F12: variants seen among roughly 807,000 people sequenced by gnomAD.
F12 encodes Hageman factor.
Under a neutral mutation model 74.8 loss-of-function variants are expected in F12, and 70 were observed. That is an observed-to-expected ratio of 0.94 (90% CI 0.77 to 1.14). F12 has a LOEUF of 1.14. Among genes scored for constraint, F12 ranks in the 50% most tolerant of loss-of-function variants. The pLI is 0.00. For synonymous variants in F12, 373 were observed against 356.4 expected, an observed-to-expected ratio of 1.05 and a Z score of -0.52; for missense variants, 811 against 835.7, an observed-to-expected ratio of 0.97 and a Z score of 0.36.
intron 2 of F12, 73 bp from the exon 3 acceptor site, chr5:177,406,134 T>C: frequency 7.3e-7 from 1 of 1,366,548 alleles, no homozygotes; most frequent in South Asian, 1.2e-5. Context: ...CAGGGTCTGG[T>C]CAGGAAAAGG....
At chr5:177,407,389 A>C (rs1763317391) in intron 2 of F12, among the ~76,000 whole-genome samples, 1 of 152,234 alleles carries the variant, frequency 6.6e-6, no homozygotes, top group Non-Finnish European at 1.5e-5. Flanking sequence ...GTACCTGCTC[A>C]ATAAGCTTTT....
intron 1 of F12, 111 bp from the exon 2 acceptor site, chr5:177,409,214 C>G (rs1045461678): frequency 1.6e-6 from 2 of 1,234,222 alleles, no homozygotes; most frequent in South Asian, 2.6e-5. Context: ...GATTTCTTCC[C>G]AAGACCCAAA....
intron 4 of F12, 116 bp from the exon 5 acceptor site, chr5:177,405,549 G>T: frequency 7.7e-7 from 1 of 1,292,168 alleles, no homozygotes; most frequent in Non-Finnish European, 1.1e-6. Context: ...TTCCAAGCTT[G>T]GTTTACCCAC....
At chr5:177,409,184 T>A in intron 1 of F12, 81 bp from the exon 2 acceptor site, 1 of 1,401,460 alleles carries the variant, frequency 7.1e-7, no homozygotes, top group Non-Finnish European at 9.9e-7. Context: ...CAGCTTCCTC[T>A]CACAGCCCAG....
At chr5:177,403,778 G>A in intron 10 of F12, 81 bp downstream of exon 10, 1 of 1,457,728 alleles carries the variant, frequency 6.9e-7, no homozygotes, top group South Asian at 1.3e-5. Context: ...TAGGGCACGG[G>A]TTCGGGTGCA....
chr5:177,405,151 G>A lies in F12; in HGVS notation c.432C>T (p.Phe144=), dbSNP rs1329384779. 2 of 1,613,990 alleles carry A rather than the reference G, an allele frequency of 1.2e-6. No homozygotes were observed. The highest frequency in any genetic ancestry group is 1.7e-6 in the Non-Finnish European group (2 of 1,180,028). The stretch of plus-strand genomic sequence containing the variant: ...TTCTATACCATATCTCATTCTTGTG[G>A]AAAAACCGGAGAAGCTGAGGCTCAA... The part of the protein sequence containing the change: ...KCFEPQLLRF[F]HKNEIWYRTE... The change falls in exon 6 of 14, where the codon TTC becomes TTT. Residue 144 remains phenylalanine, a synonymous_variant. Coordinates refer to ENST00000253496, the MANE Select transcript of F12 (RefSeq NM_000505.4).
intron 2 of F12, among the ~76,000 whole-genome samples, chr5:177,408,201 G>A (rs968478534): frequency 3.9e-5 from 6 of 152,126 alleles, no homozygotes; most frequent in Non-Finnish European, 7.4e-5. Flanking sequence ...GACTACTGGC[G>A]CATGCCACCA....
chr5:177,403,913 C>G lies in F12; in HGVS notation c.1196G>C (p.Gly399Ala). Residue 399 changes from glycine (G) to alanine (A), a missense_variant, in exon 10 of 14, where the codon GGC becomes GCC. Transcript: ENST00000253496. Reference sequence around the variant, plus strand: ...CACCCAGCAGGGGGCGATGAGGCTGCCGGCGCAGAAACTGTGGCCCCAGTA... The same window carrying G: ...CACCCAGCAGGGGGCGATGAGGCTGGCGGCGCAGAAACTGTGGCCCCAGTA... The part of the protein sequence containing the change: ...ALYWGHSFCA[G>A]SLIAPCWVLT... 6.3e-7 allele frequency: 1 copy of G among 1,588,400 alleles called. No homozygotes were observed.
Position 177,402,265 on chromosome 5 carries a change from A to C in F12, c.*27T>G. 6.2e-7 allele frequency: 1 copy of C among 1,612,620 alleles called. No individual in the cohort carries two copies. On this transcript the variant is annotated 3_prime_UTR_variant, in exon 14 of 14. Coordinates refer to ENST00000253496, the MANE Select transcript of F12 (RefSeq NM_000505.4). Reference sequence around the variant, plus strand: ...CCACTCTCTCACTGCGGAATCACCAAGGAGGGAAAGATGAGTCCCTGAGCA... The same window carrying C: ...CCACTCTCTCACTGCGGAATCACCACGGAGGGAAAGATGAGTCCCTGAGCA...
chr5:177,405,203 T>G lies in F12; in HGVS notation c.398-18A>C, dbSNP rs1472322240. ...GCACTTCTCTGGGGACAAAGAGGGA[T>G]AGTGGTCTCAGGAGAGTCTAGGACC... On this transcript the variant is annotated intron_variant, in intron 5 of 13. Transcript: ENST00000253496. 1 of 1,613,718 alleles carries G rather than the reference T, an allele frequency of 6.2e-7. No homozygotes were observed. Among genetic ancestry groups the G allele is most frequent in the East Asian group, 2.2e-5 (1 of 44,882 alleles).
rs780186253 is a variant in F12, at chr5:177,403,599, C to CA, written c.1268dup (p.Thr424AspfsTer10). On this transcript the variant is annotated frameshift_variant, in exon 11 of 14. Transcript: ENST00000253496. LOFTEE classifies it high-confidence loss of function. The stretch of plus-strand genomic sequence containing the variant: ...GGCGTTCCTGGCCGAGCACCACCGT[C>CA]AGATCCTCGGGTGCGGGCCTGCGGG... 6.2e-7 allele frequency: 1 copy of CA among 1,605,872 alleles called. No individual in the cohort carries two copies. The highest frequency in any genetic ancestry group is 8.5e-7 in the Non-Finnish European group (1 of 1,179,288).
At position 177,403,849 on chromosome 5, in the gene F12, G is replaced by A; in HGVS notation, c.1250+10C>T. The stretch of plus-strand genomic sequence containing the variant: ...GCCCCTGGGGCGGCTCTGGGCGGGC[G>A]GGTACTCGCCGGTCCTGCAGGCAGT... On this transcript the variant is annotated intron_variant, in intron 10 of 13. Coordinates refer to ENST00000253496, the MANE Select transcript of F12 (RefSeq NM_000505.4). 6.6e-7 allele frequency: 1 copy of A among 1,518,950 alleles called. No homozygotes were observed. 94.1% of individuals were successfully genotyped at this position (1,518,950 alleles called of 1,614,324 possible). A position where few individuals can be genotyped will look rare whatever the true frequency, so the allele number is the denominator to read the frequency against.
At chr5:177,408,358 G>A (rs148994506) in intron 2 of F12, among the ~76,000 whole-genome samples, 269 of 152,224 alleles carry the variant, frequency 1.8e-3, no homozygotes, top group African/African-American at 6.0e-3. Flanking sequence ...CTGGCATGTA[G>A]GTAATTTAGT....
chr5:177,402,432 C>G lies in F12; in HGVS notation c.1708G>C (p.Glu570Gln). ...AGCCGGCGCTCTGCAGCTTGGTCCT[C>G]ACACACCAGCGGGCCTCCGGAATCA... ...QGDSGGPLVCEDQAAERRLTL... is the reference protein window; with the variant it reads ...QGDSGGPLVCQDQAAERRLTL... The change falls in exon 14 of 14, where the codon GAG becomes CAG. Residue 570 changes from glutamate (E) to glutamine (Q), a missense_variant. Physicochemically the swap from Glu to Gln is conservative, Grantham distance 29. Coordinates refer to ENST00000253496, the MANE Select transcript of F12 (RefSeq NM_000505.4). 2 of 1,610,780 alleles carry G rather than the reference C, an allele frequency of 1.2e-6. No individual in the cohort carries two copies. Among genetic ancestry groups the G allele is most frequent in the Non-Finnish European group, 1.7e-6 (2 of 1,178,784 alleles).
intron 2 of F12, among the ~76,000 whole-genome samples, chr5:177,407,784 CA>C (rs112040010): frequency 0.014 from 1,968 of 137,762 alleles, 35 homozygotes; most frequent in African/African-American, 0.048. Flanking sequence ...GACTCCATCT[CA>C]AAAAAAAAAA....
chr5:177,402,611 GATCC>G lies in F12; in HGVS notation c.1615_1618del (p.Gly539ProfsTer124). The G allele has an allele frequency of 6.2e-7, 1 of 1,613,220 alleles. No individual in the cohort carries two copies. Among genetic ancestry groups the G allele is most frequent in the South Asian group, 1.1e-5 (1 of 91,084 alleles). On this transcript the variant is annotated frameshift_variant, in exon 13 of 14. Coordinates refer to ENST00000253496, the MANE Select transcript of F12 (RefSeq NM_000505.4). LOFTEE classifies it high-confidence loss of function. The stretch of plus-strand genomic sequence containing the variant: ...GCAGAGCATGCCGGGGAGGATGGAG[GATCC>G]GTGCACGTCCGGGGCTGAGCAGCGC...
At position 177,402,813 on chromosome 5, in the gene F12, C is replaced by A. The variant is rs1000724019; in HGVS notation, c.1532-115G>T. On this transcript the variant is annotated intron_variant, in intron 12 of 13. Transcript: ENST00000253496. Reference sequence around the variant, plus strand: ...CACTCATGCCCTTCCTCTCTCGCAGCAAGCCCGAAGGGGAGGAGGTGCCAT... The same window carrying A: ...CACTCATGCCCTTCCTCTCTCGCAGAAAGCCCGAAGGGGAGGAGGTGCCAT... The A allele has an allele frequency of 3.4e-6, 5 of 1,458,916 alleles. No individual in the cohort carries two copies. In the African/African-American group the frequency reaches 7.0e-5, roughly 20 times the overall value. 90.4% of individuals were successfully genotyped at this position (1,458,916 alleles called of 1,614,324 possible). A position where few individuals can be genotyped will look rare whatever the true frequency, so the allele number is the denominator to read the frequency against.
chr5:177,406,160 G>C, intron 2 of F12, 99 bp from the exon 3 acceptor site: 1 of 1,137,484 alleles, frequency 8.8e-7, no homozygotes, highest in Non-Finnish European at 1.3e-6. Flanking sequence ...CCCTCAAAAA[G>C]GTCGCTGTGC....
chr5:177,405,623 G>T, intron 4 of F12, 112 bp downstream of exon 4: 1 of 1,247,786 alleles, frequency 8.0e-7, no homozygotes, highest in Non-Finnish European at 1.2e-6. Context: ...TATTGTGGAG[G>T]GAGAGAAGGG....
Sources: gnomAD v4.1 joint callset for allele counts (sites outside exome capture counted in the v4.1 genomes callset) on GRCh38, gnomAD v4.1.1 for gene constraint, MANE v1.5 for transcripts, NCBI Gene and HGNC (gene_info 2026-07-23, HGNC 2026-07-21) for gene names.